Variants in ENOX2 observed in about 807,000 individuals in gnomAD.
The protein encoded by ENOX2 is APK1 antigen.
In ENOX2, 36 loss-of-function variants were observed where a neutral mutation model predicts 45.0. The ratio of observed to expected loss-of-function variants is 0.80; its 90% CI spans 0.61 to 1.06. The LOEUF (loss-of-function observed/expected upper bound fraction) is 1.06. ENOX2 is among the 50% of genes least tolerant of loss of function. The probability of loss-of-function intolerance (pLI) is 0.00; values close to 1 mark genes in which losing one functional copy is unlikely to be tolerated. For synonymous variants in ENOX2, 174 were observed against 152.3 expected, an observed-to-expected ratio of 1.14 and a Z score of -1.05; for missense variants, 423 against 462.5, an observed-to-expected ratio of 0.91 and a Z score of 0.78.
intron 3 of ENOX2, among the ~76,000 whole-genome samples, chrX:130,716,532 C>T (rs1345169793): frequency 8.9e-6 from 1 of 111,934 alleles, no homozygotes; most frequent in Non-Finnish European, 1.9e-5. Flanking sequence ...GATTGGAAAG[C>T]AAGGGGGTAG....
At chrX:130,830,007 A>G (rs1454192986) in intron 2 of ENOX2, among the ~76,000 whole-genome samples, 6 of 111,830 alleles carry the variant, frequency 5.4e-5, no homozygotes, top group Non-Finnish European at 1.1e-4. Context: ...AGAGAGGCAG[A>G]GCAATATTAA....
intron 10 of ENOX2, among the ~76,000 whole-genome samples, chrX:130,643,463 G>C (rs1001563655): frequency 9.1e-6 from 1 of 110,330 alleles, no homozygotes; most frequent in Non-Finnish European, 1.9e-5. Context: ...TAAATATAAG[G>C]GTGCATATAG....
At chrX:130,676,587 C>T (rs1260242793) in intron 6 of ENOX2, among the ~76,000 whole-genome samples, 1 of 111,305 alleles carries the variant, frequency 9.0e-6, no homozygotes, top group African/African-American at 3.3e-5. Flanking sequence ...AGTACACCTA[C>T]GCAGGGTTTT....
At chrX:130,709,441 C>T in intron 3 of ENOX2, 1 of 508,870 alleles carries the variant, frequency 2.0e-6, no homozygotes. Context: ...GAGTTCAAGA[C>T]CAGCCAGGTC....
intron 2 of ENOX2, among the ~76,000 whole-genome samples, chrX:130,800,142 T>C (rs1246614632): frequency 9.0e-6 from 1 of 111,203 alleles, no homozygotes; most frequent in Non-Finnish European, 1.9e-5. Flanking sequence ...TGACCAAAGC[T>C]ACGCTCACAT....
intron 3 of ENOX2, among the ~76,000 whole-genome samples, chrX:130,772,257 G>A (rs2039758558): frequency 1.8e-5 from 2 of 112,133 alleles, no homozygotes; most frequent in Admixed American, 1.9e-4. Flanking sequence ...CACACCTAAT[G>A]TGGTAATAAC....
At chrX:130,868,193 TAAGAGA>T (rs1369938717) in intron 2 of ENOX2, among the ~76,000 whole-genome samples, 1 of 111,369 alleles carries the variant, frequency 9.0e-6, no homozygotes, top group Non-Finnish European at 1.9e-5. Flanking sequence ...GGTATATTCT[TAAGAGA>T]AATAAAAACA....
At chrX:130,688,191 AATT>A (rs2037496789) in intron 5 of ENOX2, among the ~76,000 whole-genome samples, 1 of 112,122 alleles carries the variant, frequency 8.9e-6, no homozygotes, top group South Asian at 3.7e-4. Context: ...AGTTTTAGTC[AATT>A]ATTATTAGTG....
intron 5 of ENOX2, among the ~76,000 whole-genome samples, chrX:130,685,411 CTCTG>C (rs1413854297): frequency 7.1e-5 from 8 of 111,998 alleles, no homozygotes; most frequent in African/African-American, 1.9e-4. Context: ...AAAAGGATCA[CTCTG>C]TCTGTTCTGT....
chrX:130,774,818 A>G (rs920759720), intron 3 of ENOX2, among the ~76,000 whole-genome samples: 2 of 112,507 alleles, frequency 1.8e-5, no homozygotes, highest in Admixed American at 9.4e-5. Flanking sequence ...AATGTAACAC[A>G]TGTGTACTAG....
intron 2 of ENOX2, among the ~76,000 whole-genome samples, chrX:130,790,673 G>T (rs761451743): frequency 2.0e-4 from 22 of 111,500 alleles, no homozygotes; most frequent in African/African-American, 7.2e-4. Context: ...CACACCTTTG[G>T]CTCACACTGC....
At chrX:130,836,621 G>GTGAC (rs2077932146) in intron 2 of ENOX2, among the ~76,000 whole-genome samples, 1 of 111,475 alleles carries the variant, frequency 9.0e-6, no homozygotes, top group South Asian at 3.8e-4. Context: ...GCCTTCCCAG[G>GTGAC]TGACTAACAG....
chrX:130,694,589 GCTTTT>G (rs1251913322), intron 4 of ENOX2, among the ~76,000 whole-genome samples: 1 of 107,034 alleles, frequency 9.3e-6, no homozygotes, highest in Non-Finnish European at 1.9e-5. Context: ...GTTCATGCTG[GCTTTT>G]CTTTTCTTTT....
Position 130,640,163 on chromosome X carries a change from AC to A in ENOX2, c.1130-2754del, listed in dbSNP as rs201230625. 9.3e-4 allele frequency among the ~76,000 whole-genome samples: 104 copies of A among 111,399 alleles called. 1 individual carries two copies. The East Asian group carries it at 0.028, about 30-fold the overall frequency. ...AAGGCTCTGCCCTTATGACCTAATCACCCCCAAGGGCCTCACCCCCTAATAG... is the reference window on the plus strand; with the variant it reads ...AAGGCTCTGCCCTTATGACCTAATCACCCCAAGGGCCTCACCCCCTAATAG... On this transcript the variant is annotated intron_variant, in intron 10 of 14. Transcript: ENST00000394363.
At chrX:130,662,133 G>A (rs1389579627) in intron 9 of ENOX2, among the ~76,000 whole-genome samples, 1 of 111,825 alleles carries the variant, frequency 8.9e-6, no homozygotes, top group Non-Finnish European at 1.9e-5. Context: ...TTTTAGTAAG[G>A]GGAGGGACTT....
intron 2 of ENOX2, among the ~76,000 whole-genome samples, chrX:130,847,450 A>C (rs1327759928): frequency 8.9e-6 from 1 of 111,788 alleles, no homozygotes; most frequent in Admixed American, 9.5e-5. Context: ...GTTGCCTTGA[A>C]TCCAATTATA....
chrX:130,675,839 A>G (rs1206586211), intron 6 of ENOX2, among the ~76,000 whole-genome samples: 1 of 111,841 alleles, frequency 8.9e-6, no homozygotes, highest in East Asian at 2.8e-4. Context: ...GAATACATAT[A>G]TAGAATATTA....
At chrX:130,641,718 C>CAAAAA (rs753792308) in intron 10 of ENOX2, among the ~76,000 whole-genome samples, 1 of 34,723 alleles carries the variant, frequency 2.9e-5, no homozygotes, top group African/African-American at 1.2e-4. Context: ...ACTCCATCTC[C>CAAAAA]AAAAAAAAAA....
intron 6 of ENOX2, among the ~76,000 whole-genome samples, chrX:130,678,438 T>C (rs2037211153): frequency 9.1e-6 from 1 of 110,393 alleles, no homozygotes; most frequent in African/African-American, 3.3e-5. Context: ...TGCCTGCCTT[T>C]CAGATTTCAT....
Sources: allele counts gnomAD v4.1 joint callset (sites outside exome capture counted in the v4.1 genomes callset), GRCh38; gene constraint gnomAD v4.1.1; transcripts MANE v1.5; gene names NCBI Gene and HGNC (gene_info 2026-07-23, HGNC 2026-07-21).